The following PGGHG variants were observed in gnomAD, a reference collection of about 807,000 sequenced individuals.
PGGHG encodes ATH1, acid trehalase-like 1.
PGGHG carries 67 observed loss-of-function variants against 74.5 expected under a neutral mutation model. The observed-to-expected ratio is 0.90, with a 90% CI of 0.74 to 1.10. The LOEUF (loss-of-function observed/expected upper bound fraction) is 1.10. Among genes scored for constraint, PGGHG ranks in the 50% least tolerant of loss-of-function variants. The pLI is 0.00. For missense variants in PGGHG, 1,034 were observed against 981.5 expected (o/e 1.05, Z -0.72); for synonymous variants, 496 against 419.9 (o/e 1.18, Z -2.21).
Position 292,542 on chromosome 11 carries a change from T to C in PGGHG, c.1027-4T>C. On this transcript the variant is annotated splice_region_variant and splice_polypyrimidine_tract_variant and intron_variant, in intron 5 of 13. Transcript: ENST00000409548. ...GTCAAGTCTGCCCCCTCCCAACCCC[T>C]CAGGGAGCCAAGTTTGCCTGGGAGA... 6.2e-7 allele frequency: 1 copy of C among 1,613,050 alleles called. No individual in the cohort carries two copies. Among genetic ancestry groups the C allele is most frequent in the Non-Finnish European group, 8.5e-7 (1 of 1,179,784 alleles).
chr11:294,169 C>CG lies in PGGHG; in HGVS notation c.1783dup (p.Val595GlyfsTer18). The CG allele has an allele frequency of 6.2e-7, 1 of 1,612,250 alleles. No individual in the cohort carries two copies. Among genetic ancestry groups the CG allele is most frequent in the South Asian group, 1.1e-5 (1 of 90,836 alleles). ...ACAGGCATGGGGGGCTTCCTGCAGG[C>CG]GGTGGTCTTCGGGTGCACGGGGTTC... is the stretch of plus-strand genomic sequence containing the variant. On this transcript the variant is annotated frameshift_variant, in exon 12 of 14. Transcript: ENST00000409548. LOFTEE classifies it high-confidence loss of function.
chr11:292,231 T>G lies in PGGHG; in HGVS notation c.1026+136T>G. On this transcript the variant is annotated intron_variant, in intron 5 of 13. Transcript: ENST00000409548. ...ATCCTAGATTCCCCACCCTGAGGCT[T>G]GTGGGGCCTCAGCAGTGCCCTGCAG... 4 of 1,281,854 alleles carry G rather than the reference T, an allele frequency of 3.1e-6. No individual in the cohort carries two copies. In the South Asian group the frequency reaches 4.7e-5, roughly 15 times the overall value. The allele number at this position is 1,281,854 out of a possible 1,614,324, so 79.4% of individuals were successfully genotyped here.
Position 293,893 on chromosome 11 carries a change from A to G in PGGHG, c.1678A>G (p.Arg560Gly). 1 of 1,613,380 alleles carries G rather than the reference A, an allele frequency of 6.2e-7. No individual in the cohort carries two copies. The highest frequency in any genetic ancestry group is 8.5e-7 in the Non-Finnish European group (1 of 1,179,898). ...DAVRARGLLD[R>G]SFANMAEPFK... ...AGTGCGGGCCCGGGGCCTCCTGGAC[A>G]GGAGCTTTGCCAACATGGCTGAACC... is the stretch of plus-strand genomic sequence containing the variant. Residue 560 changes from arginine to glycine, a missense_variant, in exon 11 of 14, where the codon AGG (arginine) becomes GGG (glycine). Physicochemically the swap from Arg to Gly is moderately radical, Grantham distance 125. Coordinates refer to ENST00000409548, the MANE Select transcript of PGGHG (RefSeq NM_025092.5).
At position 294,160 on chromosome 11, in the gene PGGHG, T is replaced by C; in HGVS notation, c.1772T>C (p.Phe591Ser). ...AVNFLTGMGGFLQAVVFGCTG... is the reference protein window; with the variant it reads ...AVNFLTGMGGSLQAVVFGCTG... ...AACTTCCTGACAGGCATGGGGGGCT[T>C]CCTGCAGGCGGTGGTCTTCGGGTGC... Residue 591 changes from phenylalanine (F) to serine (S), a missense_variant, in exon 12 of 14, where the codon TTC becomes TCC. Coordinates refer to ENST00000409548, the MANE Select transcript of PGGHG (RefSeq NM_025092.5). 1 of 1,612,736 alleles carries C rather than the reference T, an allele frequency of 6.2e-7. No individual in the cohort carries two copies. The highest frequency in any genetic ancestry group is 8.5e-7 in the Non-Finnish European group (1 of 1,179,404).
Position 292,452 on chromosome 11 carries a change from G to A in PGGHG, c.1027-94G>A, listed in dbSNP as rs996669822. On this transcript the variant is annotated intron_variant, in intron 5 of 13. Transcript: ENST00000409548. ...CCCGCCAGGGTACCTGGCGCAGGCCGAGCCCCCCCTCCTCCAGGGCGAGGG... is the reference window on the plus strand; with the variant it reads ...CCCGCCAGGGTACCTGGCGCAGGCCAAGCCCCCCCTCCTCCAGGGCGAGGG... 20 of 1,505,568 alleles carry A rather than the reference G, an allele frequency of 1.3e-5. No homozygotes were observed. The African/African-American group carries it at 1.9e-4, about 14-fold the overall frequency. The allele number at this position is 1,505,568 out of a possible 1,614,324, so 93.3% of individuals were successfully genotyped here.
intron 2 of PGGHG, 91 bp from the exon 3 acceptor site, chr11:290,299 T>C: frequency 7.1e-7 from 1 of 1,402,524 alleles, no homozygotes; most frequent in African/African-American, 1.4e-5. Flanking sequence ...ATCCGCCTCA[T>C]TGTGGGGAGA....
In PGGHG at chr11:294,681, C is replaced by A; in HGVS notation, c.2146C>A (p.Pro716Thr). 6.2e-7 allele frequency: 1 copy of A among 1,613,556 alleles called. No individual in the cohort carries two copies. Among genetic ancestry groups the A allele is most frequent in the Non-Finnish European group, 8.5e-7 (1 of 1,179,920 alleles). The change falls in exon 14 of 14, where the codon CCC becomes ACC. Residue 716 changes from proline (P) to threonine (T), a missense_variant. By Grantham distance (38) the Pro-to-Thr change is conservative. Transcript: ENST00000409548. Reference protein sequence around the residue: ...FSDVRDPLQSPLWVTLGSSSP... With the variant: ...FSDVRDPLQSTLWVTLGSSSP... ...AGATGTTAGGGACCCGCTCCAGAGC[C>A]CCCTCTGGGTCACCCTGGGTTCCTC...
At position 296,051 on chromosome 11, in the gene PGGHG, G is replaced by A. The variant is rs1590294531; in HGVS notation, c.*1302G>A. 6.6e-6 allele frequency: 1 copy of A among 152,486 alleles called. No homozygotes were observed. The highest frequency in any genetic ancestry group is 1.9e-4 in the East Asian group (1 of 5,190). 9.4% of individuals were successfully genotyped at this position (152,486 alleles called of 1,614,324 possible). On this transcript the variant is annotated 3_prime_UTR_variant, in exon 14 of 14. Transcript: ENST00000409548. ...GGGAGGCATGTGCTGCAGCACACCTGCGGCCGAGACCAGCACTCAGAGGTC... is the reference window on the plus strand; with the variant it reads ...GGGAGGCATGTGCTGCAGCACACCTACGGCCGAGACCAGCACTCAGAGGTC...
In PGGHG at chr11:290,898, C is replaced by T. The variant is rs1340123076; in HGVS notation, c.691C>T (p.His231Tyr). ...LQARGALYTA[H>Y]AQAWAQLWVE... is the part of the protein sequence containing the mutation. The stretch of plus-strand genomic sequence containing the variant: ...GGCCAGGGGAGCTCTGTATACGGCT[C>T]ACGCACAGGCCTGGGCCCAGCTCTG... Residue 231 changes from histidine (H) to tyrosine (Y), a missense_variant, in exon 4 of 14, where the codon CAC (histidine) becomes TAC (tyrosine). Physicochemically the swap from His to Tyr is moderately conservative, Grantham distance 83. Coordinates refer to ENST00000409548, the MANE Select transcript of PGGHG (RefSeq NM_025092.5). 6.2e-7 allele frequency: 1 copy of T among 1,611,868 alleles called. No homozygotes were observed. Among genetic ancestry groups the T allele is most frequent in the South Asian group, 1.1e-5 (1 of 90,938 alleles).
At position 293,452 on chromosome 11, in the gene PGGHG, C is replaced by A; in HGVS notation, c.1430C>A (p.Pro477His). ...GCGGTGGCTGACAAGATCAAGGTAC[C>A]CTTTGACGTGGAGCAGAACTTCCAC... The part of the protein sequence containing the change: ...WLAVADKIKV[P>H]FDVEQNFHPE... Residue 477 changes from proline (P) to histidine (H), a missense_variant, in exon 9 of 14, where the codon CCC (proline) becomes CAC (histidine). Transcript: ENST00000409548. The A allele has an allele frequency of 1.2e-6, 2 of 1,612,238 alleles. No homozygotes were observed. Among genetic ancestry groups the A allele is most frequent in the South Asian group, 1.1e-5 (1 of 91,086 alleles).
intron 7 of PGGHG, 57 bp from the exon 8 acceptor site, chr11:293,106 T>C (rs561846271): frequency 6.2e-7 from 1 of 1,613,896 alleles, no homozygotes; most frequent in East Asian, 2.2e-5. Flanking sequence ...ACCACCGGCG[T>C]GGAGGGAAGG....
chr11:292,459 C>A, intron 5 of PGGHG, 87 bp from the exon 6 acceptor site: 2 of 1,537,722 alleles, frequency 1.3e-6, no homozygotes, highest in Non-Finnish European at 1.8e-6. Flanking sequence ...GCCGAGCCCC[C>A]CCTCCTCCAG....
At position 293,232 on chromosome 11, in the gene PGGHG, A is replaced by G; in HGVS notation, c.1340A>G (p.Asn447Ser). 1.2e-6 allele frequency: 2 copies of G among 1,613,202 alleles called. No homozygotes were observed. Among genetic ancestry groups the G allele is most frequent in the Non-Finnish European group, 1.7e-6 (2 of 1,179,880 alleles). ...NSVYTNVLVQ[N>S]SLRFAAALAQ... ...GTGTACACCAACGTCCTGGTCCAGA[A>G]CAGGTCAGACACAAGATCCCCTCAC... The change falls in exon 8 of 14, where the codon AAC (asparagine) becomes AGC (serine). Residue 447 changes from asparagine (N) to serine (S), a missense_variant. Asn to Ser is a conservative substitution (Grantham distance 46). Transcript: ENST00000409548.
chr11:290,209 C>T, intron 2 of PGGHG, 134 bp downstream of exon 2: 1 of 1,385,500 alleles, frequency 7.2e-7, no homozygotes. Flanking sequence ...GCCCCAGAGG[C>T]CCGCAGGGTC....
Position 294,577 on chromosome 11 carries a change from G to A in PGGHG, c.2042G>A (p.Arg681His), listed in dbSNP as rs748832117. 1.3e-5 allele frequency: 21 copies of A among 1,609,664 alleles called. No homozygotes were observed. The African/African-American group carries it at 1.3e-4, about 10-fold the overall frequency. The change falls in exon 14 of 14, where the codon CGC becomes CAC. Residue 681 changes from arginine to histidine, a missense_variant. Coordinates refer to ENST00000409548, the MANE Select transcript of PGGHG (RefSeq NM_025092.5). Reference sequence around the variant, plus strand: ...GCAGGACACAAGGTCTCCTTTCCCCGCTCGGCTGGCCGGATACAAATGTCA... The same window carrying A: ...GCAGGACACAAGGTCTCCTTTCCCCACTCGGCTGGCCGGATACAAATGTCA... ...LLPGHKVSFPRSAGRIQMSPP... is the reference protein window; with the variant it reads ...LLPGHKVSFPHSAGRIQMSPP...
rs1183415968 is a variant in PGGHG, at chr11:294,952, G to A, written c.*203G>A. Reference sequence around the variant, plus strand: ...ACCCCCGTGGGCAGGTGGCTTCCCCGTGGCATCTCCACACCGCCTCTGCCT... The same window carrying A: ...ACCCCCGTGGGCAGGTGGCTTCCCCATGGCATCTCCACACCGCCTCTGCCT... On this transcript the variant is annotated 3_prime_UTR_variant, in exon 14 of 14. Coordinates refer to ENST00000409548, the MANE Select transcript of PGGHG (RefSeq NM_025092.5). 10 of 571,424 alleles carry A rather than the reference G, an allele frequency of 1.8e-5. No individual in the cohort carries two copies. The highest frequency in any genetic ancestry group is 3.3e-5 in the Admixed American group (1 of 29,992). 35.4% of individuals were successfully genotyped at this position (571,424 alleles called of 1,614,324 possible).
chr11:293,272 G>A (rs1386808902), intron 8 of PGGHG, 37 bp downstream of exon 8: 10 of 1,265,034 alleles, frequency 7.9e-6, no homozygotes, highest in African/African-American at 3.2e-5. Flanking sequence ...CCCCACCCCC[G>A]CCCCAGCTGG....
Position 294,180 on chromosome 11 carries a change from G to A in PGGHG, c.1792G>A (p.Gly598Arg), listed in dbSNP as rs749112533. 1.5e-5 allele frequency: 24 copies of A among 1,611,122 alleles called. No homozygotes were observed. The highest frequency in any genetic ancestry group is 2.0e-5 in the Non-Finnish European group (23 of 1,178,638). ...GGGCTTCCTGCAGGCGGTGGTCTTC[G>A]GGTGCACGGGGTTCAGGTAAGTGCA... ...MGGFLQAVVF[G>R]CTGFRVTRAG... The change falls in exon 12 of 14, where the codon GGG becomes AGG. Residue 598 changes from glycine (G) to arginine (R), a missense_variant. Gly to Arg is a moderately radical substitution (Grantham distance 125). Transcript: ENST00000409548.
At chr11:290,204 A>G in intron 2 of PGGHG, 129 bp downstream of exon 2, 3 of 1,398,058 alleles carry the variant, frequency 2.1e-6, no homozygotes, top group Non-Finnish European at 2.8e-6. Flanking sequence ...AGGAGGCCCC[A>G]GAGGCCCGCA....
Sources: allele counts gnomAD v4.1 joint callset, GRCh38; gene constraint gnomAD v4.1.1; transcripts MANE v1.5; gene names NCBI Gene and HGNC (gene_info 2026-07-23, HGNC 2026-07-21).